Variants in GABBR2 observed in about 807,000 individuals in gnomAD.
GABBR2 encodes G-protein coupled receptor 51.
A neutral mutation model predicts 105.6 loss-of-function variants in GABBR2; 23 were observed. The ratio of observed to expected loss-of-function variants is 0.22; its 90% CI spans 0.16 to 0.31. The LOEUF (loss-of-function observed/expected upper bound fraction) is 0.31, where lower values mean the gene tolerates loss of function less well. GABBR2 is among the 10% of genes least tolerant of loss of function. The pLI, the probability that GABBR2 is intolerant of heterozygous loss-of-function variation, is 1.00. For missense variants in GABBR2, 734 were observed against 1,245.5 expected (o/e 0.59, Z 6.18); for synonymous variants, 478 against 499.7 (o/e 0.96, Z 0.58).
chr9:98,698,688 C>T (rs566336339), intron 1 of GABBR2, among the ~76,000 whole-genome samples: 41 of 152,066 alleles, frequency 2.7e-4, no homozygotes, highest in African/African-American at 8.4e-4. Context: ...TTAGTAGAGA[C>T]GGGGTTTCAC....
chr9:98,498,545 C>T (rs1827332049), intron 3 of GABBR2, among the ~76,000 whole-genome samples: 1 of 152,260 alleles, frequency 6.6e-6, no homozygotes, highest in Admixed American at 6.5e-5. Context: ...ATGGGAGCTG[C>T]CATCTTTTAT....
chr9:98,661,305 G>A (rs1367125398), intron 1 of GABBR2, among the ~76,000 whole-genome samples: 1 of 152,210 alleles, frequency 6.6e-6, no homozygotes, highest in Non-Finnish European at 1.5e-5. Context: ...CTTGAGGCGA[G>A]GCATTATTAA....
At chr9:98,456,505 C>A (rs76464536) in intron 6 of GABBR2, among the ~76,000 whole-genome samples, 2 of 152,234 alleles carry the variant, frequency 1.3e-5, no homozygotes, top group African/African-American at 4.8e-5. Context: ...CCCTTCCCAC[C>A]CACCTAGAAT....
chr9:98,459,121 C>T (rs1826378520), intron 6 of GABBR2, among the ~76,000 whole-genome samples: 1 of 152,130 alleles, frequency 6.6e-6, no homozygotes, highest in South Asian at 2.1e-4. Context: ...CACAACAGCC[C>T]CTCAAAGAGC....
At chr9:98,680,710 T>C (rs894253679) in intron 1 of GABBR2, among the ~76,000 whole-genome samples, 1 of 152,204 alleles carries the variant, frequency 6.6e-6, no homozygotes, top group Admixed American at 6.5e-5. Context: ...AGAAGGTTCA[T>C]CATGGAGGAG....
chr9:98,532,344 C>T (rs1415113478), intron 3 of GABBR2, among the ~76,000 whole-genome samples: 1 of 152,198 alleles, frequency 6.6e-6, no homozygotes, highest in East Asian at 1.9e-4. Flanking sequence ...AGGATGCTTG[C>T]TTGGGCAGGC....
At chr9:98,589,512 T>TA (rs1356982623) in intron 1 of GABBR2, among the ~76,000 whole-genome samples, 1 of 152,088 alleles carries the variant, frequency 6.6e-6, no homozygotes, top group African/African-American at 2.4e-5. Context: ...TTTTGAAACA[T>TA]AAAGAATCAG....
chr9:98,525,101 G>A (rs1486087614), intron 3 of GABBR2, among the ~76,000 whole-genome samples: 1 of 152,216 alleles, frequency 6.6e-6, no homozygotes, highest in East Asian at 1.9e-4. Flanking sequence ...CCTTGAATTA[G>A]ACAATGGTCT....
intron 17 of GABBR2, among the ~76,000 whole-genome samples, chr9:98,296,011 A>G (rs1003619586): frequency 6.6e-6 from 1 of 152,224 alleles, no homozygotes; most frequent in Non-Finnish European, 1.5e-5. Context: ...AACTACCGCT[A>G]CGGTGAATCA....
intron 3 of GABBR2, among the ~76,000 whole-genome samples, chr9:98,518,747 A>G (rs957778522): frequency 1.3e-5 from 2 of 152,176 alleles, no homozygotes; most frequent in Non-Finnish European, 1.5e-5. Flanking sequence ...TTGCTCATGT[A>G]TGGAGAGGAT....
chr9:98,625,331 G>A (rs756290707), intron 1 of GABBR2, among the ~76,000 whole-genome samples: 2 of 152,168 alleles, frequency 1.3e-5, no homozygotes, highest in Non-Finnish European at 2.9e-5. Context: ...GACCATCCAG[G>A]AGACACCACC....
intron 1 of GABBR2, among the ~76,000 whole-genome samples, chr9:98,602,699 T>C (rs896074301): frequency 1.9e-4 from 29 of 152,214 alleles, no homozygotes. Flanking sequence ...TTGAAATTGT[T>C]AATTGATTCA....
intron 3 of GABBR2, among the ~76,000 whole-genome samples, chr9:98,539,474 C>T: frequency 6.6e-6 from 1 of 152,184 alleles, no homozygotes; most frequent in East Asian, 1.9e-4. Context: ...TTTCTGTGAA[C>T]AATCTTTCAT....
chr9:98,589,644 CACTT>C (rs892133188), intron 1 of GABBR2, among the ~76,000 whole-genome samples: 42 of 151,490 alleles, frequency 2.8e-4, no homozygotes, highest in African/African-American at 9.5e-4. Flanking sequence ...TCATTCAAGA[CACTT>C]ACGTCAAACC....
intron 1 of GABBR2, among the ~76,000 whole-genome samples, chr9:98,669,694 C>T (rs1236873104): frequency 6.6e-6 from 1 of 152,060 alleles, no homozygotes; most frequent in Non-Finnish European, 1.5e-5. Flanking sequence ...AACATTAATA[C>T]CATAAGTCTT....
At chr9:98,444,514 C>T (rs972594863) in intron 7 of GABBR2, among the ~76,000 whole-genome samples, 5 of 151,832 alleles carry the variant, frequency 3.3e-5, no homozygotes, top group African/African-American at 1.2e-4. Context: ...AGTAGGAGCT[C>T]GTTAATTGAT....
At chr9:98,297,747 C>A (rs1012737527) in intron 17 of GABBR2, among the ~76,000 whole-genome samples, 1 of 151,440 alleles carries the variant, frequency 6.6e-6, no homozygotes, top group Non-Finnish European at 1.5e-5. Flanking sequence ...TGTGGCCAGG[C>A]GTGGTGGCTC....
In GABBR2 at chr9:98,622,309, C is replaced by T. The variant is rs117999718; in HGVS notation, c.322-44237G>A. 5.7e-3 allele frequency among the ~76,000 whole-genome samples: 863 copies of T among 152,088 alleles called. 21 individuals carry two copies. Among genetic ancestry groups the T allele is most frequent in the East Asian group, 0.055 (282 of 5,174 alleles). The stretch of plus-strand genomic sequence containing the variant: ...CCTCCTGATTAGCTGGGACTATAGG[C>T]GCACATTGCTACACCTGGCTAATTT... On this transcript the variant is annotated intron_variant, in intron 1 of 18. Coordinates refer to ENST00000259455, the MANE Select transcript of GABBR2 (RefSeq NM_005458.8).
intron 15 of GABBR2, among the ~76,000 whole-genome samples, chr9:98,303,896 A>G (rs1156862086): frequency 6.6e-6 from 1 of 152,264 alleles, no homozygotes; most frequent in Non-Finnish European, 1.5e-5. Context: ...GTTTTTTAGC[A>G]GCTTAAAACA....
Sources: gnomAD v4.1 joint callset for allele counts (sites outside exome capture counted in the v4.1 genomes callset) on GRCh38, gnomAD v4.1.1 for gene constraint, MANE v1.5 for transcripts, NCBI Gene and HGNC (gene_info 2026-07-23, HGNC 2026-07-21) for gene names.